The following NRG1 variants were observed in gnomAD, a reference collection of about 807,000 sequenced individuals.
NRG1 encodes neuregulin 1.
Under a neutral mutation model 63.8 loss-of-function variants are expected in NRG1, and 18 were observed. The observed-to-expected ratio is 0.28, with a 90% CI of 0.19 to 0.42. NRG1 has a LOEUF of 0.42. Among genes scored for constraint, NRG1 ranks in the 10% least tolerant of loss-of-function variants. The probability of loss-of-function intolerance (pLI) is 1.00; values close to 1 mark genes in which losing one functional copy is unlikely to be tolerated. For missense variants in NRG1, 762 were observed against 814.7 expected, an observed-to-expected ratio of 0.94 and a Z score of 0.79; for synonymous variants, 302 against 301.3, an observed-to-expected ratio of 1.00 and a Z score of -0.02.
intron 1 of NRG1, among the ~76,000 whole-genome samples, chr8:31,781,813 T>C (rs555266567): frequency 7.9e-5 from 12 of 152,062 alleles, no homozygotes; most frequent in African/African-American, 2.9e-4. Flanking sequence ...AGCAACTCTA[T>C]ATTTTAAGTC....
chr8:31,916,382 G>C (rs895938365), intron 1 of NRG1, among the ~76,000 whole-genome samples: 1 of 152,068 alleles, frequency 6.6e-6, no homozygotes, highest in South Asian at 2.1e-4. Context: ...AGTCCCCAGA[G>C]TGTGATGTTC....
At chr8:31,685,883 T>G (rs1343433738) in intron 1 of NRG1, among the ~76,000 whole-genome samples, 4 of 152,168 alleles carry the variant, frequency 2.6e-5, no homozygotes, top group Non-Finnish European at 5.9e-5. Context: ...ATCATGTTGG[T>G]CTATCCATTC....
intron 1 of NRG1, among the ~76,000 whole-genome samples, chr8:31,936,653 A>G (rs2129620471): frequency 6.6e-6 from 1 of 152,350 alleles, no homozygotes; most frequent in East Asian, 1.9e-4. Flanking sequence ...TAGCCCAGAT[A>G]AATGGACTCC....
At chr8:32,285,653 G>A (rs970404950) in intron 1 of NRG1, among the ~76,000 whole-genome samples, 2 of 152,182 alleles carry the variant, frequency 1.3e-5, no homozygotes, top group African/African-American at 2.4e-5. Flanking sequence ...ACTTGGAGTA[G>A]GGGGTGCTGA....
chr8:32,620,817 G>A lies in NRG1; in HGVS notation c.502+3932G>A, dbSNP rs533732820. ...AGCCTGGGCAACAGAGCGAGAACTT[G>A]TCTCTCTTAAAATAAAAACAAACAA... On this transcript the variant is annotated intron_variant, in intron 5 of 11. Transcript: ENST00000356819. 1.3e-3 allele frequency among the ~76,000 whole-genome samples: 203 copies of A among 151,522 alleles called. 1 individual carries two copies. Among genetic ancestry groups the A allele is most frequent in the African/African-American group, 4.5e-3 (186 of 41,252 alleles).
intron 10 of NRG1, among the ~76,000 whole-genome samples, chr8:32,759,736 T>C (rs1830359451): frequency 6.6e-6 from 1 of 152,176 alleles, no homozygotes; most frequent in Admixed American, 6.5e-5. Flanking sequence ...GAAGTCAATT[T>C]CTTTCAGTAA....
rs76782046 is a variant in NRG1 at position 31,684,484 on chromosome 8, C to T, written c.37+45053C>T. 7.3e-3 allele frequency among the ~76,000 whole-genome samples: 1,115 copies of T among 152,220 alleles called. 10 individuals are homozygous for T. Among genetic ancestry groups the T allele is most frequent in the Non-Finnish European group, 0.012 (791 of 68,012 alleles). On this transcript the variant is annotated intron_variant, in intron 1 of 10. Transcript: ENST00000519301. ...TTGGACCTCGCAGCTTCCAGAACTG[C>T]GAGAAATACATTTCTGTTGTTATTA...
intron 1 of NRG1, among the ~76,000 whole-genome samples, chr8:31,960,370 C>T (rs1019803432): frequency 6.6e-6 from 1 of 152,012 alleles, no homozygotes. Flanking sequence ...AGACTTCAGA[C>T]GCTCAGGGAT....
chr8:31,680,939 A>G (rs1808277730), intron 1 of NRG1, among the ~76,000 whole-genome samples: 2 of 152,172 alleles, frequency 1.3e-5, no homozygotes, highest in African/African-American at 2.4e-5. Context: ...GTGTACTACT[A>G]TAAAAATAGC....
At chr8:31,950,429 C>T (rs1250800346) in intron 1 of NRG1, among the ~76,000 whole-genome samples, 1 of 152,112 alleles carries the variant, frequency 6.6e-6, no homozygotes, top group Admixed American at 6.5e-5. Context: ...GGAATCTTTC[C>T]TAGATTAAGT....
At chr8:32,687,623 A>AT (rs1810509665) in intron 5 of NRG1, among the ~76,000 whole-genome samples, 1 of 152,140 alleles carries the variant, frequency 6.6e-6, no homozygotes, top group Non-Finnish European at 1.5e-5. Context: ...GATGATCTGA[A>AT]TTCACATAGG....
At chr8:32,620,102 C>A (rs2129542320) in intron 5 of NRG1, among the ~76,000 whole-genome samples, 1 of 152,206 alleles carries the variant, frequency 6.6e-6, no homozygotes, top group Non-Finnish European at 1.5e-5. Flanking sequence ...TAACAATAAG[C>A]CAAACTCAAA....
At chr8:32,564,199 T>C (rs183152774) in intron 1 of NRG1, among the ~76,000 whole-genome samples, 5 of 152,264 alleles carry the variant, frequency 3.3e-5, no homozygotes, top group African/African-American at 1.2e-4. Flanking sequence ...AAATCAAAGA[T>C]CTTAGAGGAA....
intron 1 of NRG1, among the ~76,000 whole-genome samples, chr8:32,032,420 T>A (rs1286251542): frequency 6.6e-6 from 1 of 152,018 alleles, no homozygotes; most frequent in African/African-American, 2.4e-5. Flanking sequence ...CCTGCCACTA[T>A]GCCCAGATAC....
chr8:32,356,487 C>G (rs1166450259), intron 1 of NRG1, among the ~76,000 whole-genome samples: 1 of 147,650 alleles, frequency 6.8e-6, no homozygotes, highest in Non-Finnish European at 1.5e-5. Context: ...CCCCCCCCAC[C>G]CGCCGGGCCC....
intron 1 of NRG1, among the ~76,000 whole-genome samples, chr8:31,787,909 T>C (rs1251079461): frequency 6.6e-6 from 1 of 152,328 alleles, no homozygotes; most frequent in East Asian, 1.9e-4. Flanking sequence ...GAATCCTGAC[T>C]ATGTGTCAGG....
chr8:31,813,527 T>TTTTTG (rs1823124380), intron 1 of NRG1, among the ~76,000 whole-genome samples: 4 of 139,810 alleles, frequency 2.9e-5, no homozygotes, highest in South Asian at 2.3e-4. Flanking sequence ...TTTTTTTTTT[T>TTTTTG]TTTTTTGTTT....
In NRG1 at chr8:32,147,239, A is replaced by G. The variant is rs372842432; in HGVS notation, c.38-448589A>G. ...TATTGTGATGTCCTTTGGCCATGCAATTTACCCTTCCTGGAATGTACGCTA... is the reference window on the plus strand; with the variant it reads ...TATTGTGATGTCCTTTGGCCATGCAGTTTACCCTTCCTGGAATGTACGCTA... On this transcript the variant is annotated intron_variant, in intron 1 of 10. Coordinates refer to the NRG1 transcript ENST00000519301. 5.9e-5 allele frequency among the ~76,000 whole-genome samples: 9 copies of G among 152,290 alleles called. No individual in the cohort carries two copies. The South Asian group carries it at 1.0e-3, about 18-fold the overall frequency.
At chr8:32,234,407 T>G (rs1847316338) in intron 1 of NRG1, among the ~76,000 whole-genome samples, 1 of 152,212 alleles carries the variant, frequency 6.6e-6, no homozygotes, top group Non-Finnish European at 1.5e-5. Flanking sequence ...TCCATATATA[T>G]TATCAGATTT....
Sources: gnomAD v4.1 joint callset for allele counts (sites outside exome capture counted in the v4.1 genomes callset) on GRCh38, gnomAD v4.1.1 for gene constraint, MANE v1.5 for transcripts, NCBI Gene and HGNC (gene_info 2026-07-23, HGNC 2026-07-21) for gene names.